Variants in PID1 observed in about 807,000 individuals in gnomAD.
PID1 encodes phosphotyrosine interaction domain containing 1.
Under a neutral mutation model 19.1 loss-of-function variants are expected in PID1, and 10 were observed. The ratio of observed to expected loss-of-function variants is 0.52; its 90% CI spans 0.32 to 0.89. The LOEUF (loss-of-function observed/expected upper bound fraction) is 0.89. Ranked by LOEUF, PID1 falls within the 40% of genes least tolerant of loss-of-function variation. The pLI is 0.03. For synonymous variants in PID1, 130 were observed against 116.0 expected (o/e 1.12, Z -0.78); for missense variants, 248 against 285.3 (o/e 0.87, Z 0.94).
At chr2:229,075,329 G>C (rs983211360) in intron 2 of PID1, among the ~76,000 whole-genome samples, 7 of 152,146 alleles carry the variant, frequency 4.6e-5, no homozygotes, top group Non-Finnish European at 7.4e-5. Context: ...TATATGCATT[G>C]AGAGATTTTA....
At chr2:229,256,907 T>C (rs545518605) in intron 1 of PID1, among the ~76,000 whole-genome samples, 6 of 152,294 alleles carry the variant, frequency 3.9e-5, no homozygotes, top group African/African-American at 1.4e-4. Flanking sequence ...ACAAAATACA[T>C]ATCAGAGGCT....
At chr2:229,180,830 G>C (rs1474950439) in intron 1 of PID1, among the ~76,000 whole-genome samples, 1 of 152,232 alleles carries the variant, frequency 6.6e-6, no homozygotes, top group Non-Finnish European at 1.5e-5. Flanking sequence ...TCGATCCGCT[G>C]AGGGCAAGGG....
At chr2:229,191,195 T>G (rs554119283) in intron 1 of PID1, among the ~76,000 whole-genome samples, 3 of 152,248 alleles carry the variant, frequency 2.0e-5, no homozygotes, top group Admixed American at 6.5e-5. Context: ...AGATGACAGC[T>G]GAATCTCCCA....
intron 1 of PID1, among the ~76,000 whole-genome samples, chr2:229,171,119 A>C (rs1690704028): frequency 6.6e-6 from 1 of 152,246 alleles, no homozygotes; most frequent in Admixed American, 6.5e-5. Flanking sequence ...GGAACATAGC[A>C]CGTACATGTT....
intron 2 of PID1, among the ~76,000 whole-genome samples, chr2:229,103,638 T>C (rs954768871): frequency 1.4e-5 from 2 of 143,326 alleles, no homozygotes; most frequent in Non-Finnish European, 3.0e-5. Context: ...AGTGCAGCGG[T>C]GTGATCTTGG....
At chr2:229,227,629 C>T (rs1179834006) in intron 1 of PID1, among the ~76,000 whole-genome samples, 1 of 152,138 alleles carries the variant, frequency 6.6e-6, no homozygotes, top group Non-Finnish European at 1.5e-5. Context: ...TCTACTGGGA[C>T]CTCCTAGAGA....
rs1309112150 is a variant in PID1, at chr2:229,037,664, C to T, written c.178-11556G>A. ...ACGAGACCACATTGAAATACACATCCCCTCATGTGGCCCCTTCTGGTGAGC... is the reference window on the plus strand; with the variant it reads ...ACGAGACCACATTGAAATACACATCTCCTCATGTGGCCCCTTCTGGTGAGC... On this transcript the variant is annotated intron_variant, in intron 2 of 2. Transcript: ENST00000392055. Among the ~76,000 whole-genome samples, 4 of 152,270 alleles carry T rather than the reference C, an allele frequency of 2.6e-5. No homozygotes were observed. In the East Asian group the frequency reaches 7.7e-4, roughly 29 times the overall value.
rs138756632 is a variant in PID1 at position 229,170,853 on chromosome 2, A to G, written c.31-14889T>C. Among the ~76,000 whole-genome samples the G allele has an allele frequency of 2.7e-3, 413 of 152,342 alleles. 4 individuals carry two copies. Among genetic ancestry groups the G allele is most frequent in the African/African-American group, 9.5e-3 (393 of 41,574 alleles). On this transcript the variant is annotated intron_variant, in intron 1 of 2. Coordinates refer to ENST00000392055, the MANE Select transcript of PID1 (RefSeq NM_001100818.2). ...AGCCCTGAGTGCTTATCTTCCTCCG[A>G]AGTAATAAATGAGGACACAGAGCAG...
chr2:229,070,578 C>T (rs1432737200), intron 2 of PID1, among the ~76,000 whole-genome samples: 4 of 152,134 alleles, frequency 2.6e-5, no homozygotes, highest in African/African-American at 9.7e-5. Context: ...GATGGACGTC[C>T]ACCCAAAATT....
chr2:229,139,561 T>C (rs1689968510), intron 2 of PID1, among the ~76,000 whole-genome samples: 1 of 152,092 alleles, frequency 6.6e-6, no homozygotes, highest in Non-Finnish European at 1.5e-5. Flanking sequence ...GCCTCCTAAA[T>C]CTGAATATCC....
At chr2:229,253,571 T>G (rs1690208761) in intron 1 of PID1, among the ~76,000 whole-genome samples, 1 of 139,512 alleles carries the variant, frequency 7.2e-6, no homozygotes, top group South Asian at 2.4e-4. Flanking sequence ...TAAGGGTATG[T>G]GCTTAAAAGA....
chr2:229,144,615 G>A (rs1158096607), intron 2 of PID1, among the ~76,000 whole-genome samples: 5 of 152,084 alleles, frequency 3.3e-5, no homozygotes, highest in African/African-American at 1.2e-4. Flanking sequence ...CAAAACGGAG[G>A]AAAGAGAGTG....
chr2:229,033,779 G>T (rs1693604354), intron 2 of PID1, among the ~76,000 whole-genome samples: 1 of 152,194 alleles, frequency 6.6e-6, no homozygotes, highest in African/African-American at 2.4e-5. Context: ...AGAGAATGGA[G>T]GAAACTTTGC....
chr2:229,201,092 C>T (rs1385871378), intron 1 of PID1, among the ~76,000 whole-genome samples: 2 of 152,018 alleles, frequency 1.3e-5, no homozygotes, highest in African/African-American at 2.4e-5. Context: ...ATCATCTTCC[C>T]TTTTTCTATT....
chr2:229,174,612 A>G (rs901937654), intron 1 of PID1, among the ~76,000 whole-genome samples: 1 of 151,918 alleles, frequency 6.6e-6, no homozygotes, highest in Admixed American at 6.6e-5. Context: ...AACCCATAAA[A>G]TGTCAGTACC....
At chr2:229,056,917 G>C (rs1278551607) in intron 2 of PID1, among the ~76,000 whole-genome samples, 8 of 152,108 alleles carry the variant, frequency 5.3e-5, no homozygotes, top group Non-Finnish European at 8.8e-5. Context: ...AGCTAGAAGA[G>C]ACAACGTATC....
At chr2:229,213,083 T>C (rs754474076) in intron 1 of PID1, among the ~76,000 whole-genome samples, 5 of 151,994 alleles carry the variant, frequency 3.3e-5, no homozygotes, top group Admixed American at 1.3e-4. Flanking sequence ...GCGAGAAAAA[T>C]GGAGGAGTTG....
chr2:229,173,500 T>C (rs1447809687), intron 1 of PID1, among the ~76,000 whole-genome samples: 1 of 152,218 alleles, frequency 6.6e-6, no homozygotes, highest in Non-Finnish European at 1.5e-5. Context: ...TGCTGGGTTA[T>C]TCAGCCATCT....
chr2:229,237,992 G>A (rs1689762067), intron 1 of PID1, among the ~76,000 whole-genome samples: 1 of 152,184 alleles, frequency 6.6e-6, no homozygotes, highest in African/African-American at 2.4e-5. Context: ...AGTGGAGCTA[G>A]TATCAAACTA....
Sources: allele counts gnomAD v4.1 joint callset (sites outside exome capture counted in the v4.1 genomes callset), GRCh38; gene constraint gnomAD v4.1.1; transcripts MANE v1.5; gene names NCBI Gene and HGNC (gene_info 2026-07-23, HGNC 2026-07-21).